The following KCNH7 variants were observed in gnomAD, a reference collection of about 807,000 sequenced individuals.
KCNH7 encodes the protein potassium voltage-gated channel subfamily H member 7.
KCNH7 carries 49 observed loss-of-function variants against 120.8 expected under a neutral mutation model. That is an observed-to-expected ratio of 0.41 (90% CI 0.32 to 0.51). The LOEUF (loss-of-function observed/expected upper bound fraction) is 0.51. Ranked by LOEUF, KCNH7 falls within the 20% of genes least tolerant of loss-of-function variation. The pLI, the probability that KCNH7 is intolerant of heterozygous loss-of-function variation, is 0.38. For synonymous variants in KCNH7, 547 were observed against 516.1 expected (o/e 1.06, Z -0.81); for missense variants, 1,097 against 1,446.6 (o/e 0.76, Z 3.92).
intron 2 of KCNH7, among the ~76,000 whole-genome samples, chr2:162,763,546 C>T (rs776709158): frequency 3.9e-5 from 6 of 151,970 alleles, no homozygotes; most frequent in Admixed American, 6.6e-5. Flanking sequence ...TTAGAAAATA[C>T]GATGGCCAGA....
At chr2:162,828,633 A>G (rs1277920107) in intron 2 of KCNH7, among the ~76,000 whole-genome samples, 4 of 152,172 alleles carry the variant, frequency 2.6e-5, no homozygotes, top group African/African-American at 9.7e-5. Flanking sequence ...GAAACAATAA[A>G]ACCCACAATG....
chr2:162,464,947 AC>A (rs1187544665), intron 6 of KCNH7, among the ~76,000 whole-genome samples: 1 of 152,152 alleles, frequency 6.6e-6, no homozygotes, highest in African/African-American at 2.4e-5. Flanking sequence ...AGGGTTGCCA[AC>A]TTTTTACTTA....
intron 6 of KCNH7, among the ~76,000 whole-genome samples, chr2:162,477,383 C>T (rs945732439): frequency 6.7e-6 from 1 of 148,226 alleles, no homozygotes; most frequent in African/African-American, 2.7e-5. Context: ...TGCCTGGCAG[C>T]TTCATCAGCT....
chr2:162,538,476 C>T lies in KCNH7; in HGVS notation c.308-1396G>A, dbSNP rs143276043. On this transcript the variant is annotated intron_variant, in intron 2 of 15. Coordinates refer to ENST00000332142, the MANE Select transcript of KCNH7 (RefSeq NM_033272.4). ...GATTAGTCTGGCATGAAACATCAGA[C>T]GGAAATGTGAGCAAGTGCCAGGACC... Among the ~76,000 whole-genome samples, 76 of 151,884 alleles carry T rather than the reference C, an allele frequency of 5.0e-4. 1 individual carries two copies. In the East Asian group the frequency reaches 0.012, roughly 24 times the overall value.
chr2:162,506,889 T>C (rs1229062808), intron 5 of KCNH7, among the ~76,000 whole-genome samples: 1 of 151,846 alleles, frequency 6.6e-6, no homozygotes, highest in African/African-American at 2.4e-5. Context: ...GTCACAATTA[T>C]GAAAGAATTT....
At chr2:162,758,948 A>G (rs1688878666) in intron 2 of KCNH7, among the ~76,000 whole-genome samples, 1 of 152,184 alleles carries the variant, frequency 6.6e-6, no homozygotes, top group African/African-American at 2.4e-5. Flanking sequence ...GAGGAAACAA[A>G]GGATGACATA....
chr2:162,455,903 A>AT (rs1462643500), intron 6 of KCNH7, among the ~76,000 whole-genome samples: 4 of 151,950 alleles, frequency 2.6e-5, no homozygotes, highest in East Asian at 1.9e-4. Context: ...GAATTCATTG[A>AT]TTTTTTGAAG....
chr2:162,551,251 A>G (rs1011022670), intron 2 of KCNH7, among the ~76,000 whole-genome samples: 3 of 152,188 alleles, frequency 2.0e-5, no homozygotes, highest in African/African-American at 7.2e-5. Flanking sequence ...ATTACTCAAC[A>G]TTCCAGGGGA....
chr2:162,833,976 A>C (rs1033405098), intron 2 of KCNH7, among the ~76,000 whole-genome samples: 1 of 152,180 alleles, frequency 6.6e-6, no homozygotes, highest in Non-Finnish European at 1.5e-5. Context: ...AGAAGCATTT[A>C]CTGTATACAG....
At chr2:162,548,998 T>C (rs535514876) in intron 2 of KCNH7, among the ~76,000 whole-genome samples, 26 of 152,306 alleles carry the variant, frequency 1.7e-4, no homozygotes, top group African/African-American at 6.0e-4. Context: ...GAAAATGTGC[T>C]TGTGGTATAA....
At chr2:162,530,205 A>T (rs1691868874) in intron 3 of KCNH7, among the ~76,000 whole-genome samples, 1 of 152,010 alleles carries the variant, frequency 6.6e-6, no homozygotes, top group Non-Finnish European at 1.5e-5. Flanking sequence ...CCAATGTATC[A>T]TAATGCCTTT....
intron 2 of KCNH7, among the ~76,000 whole-genome samples, chr2:162,602,258 A>C (rs535773668): frequency 2.0e-5 from 3 of 152,206 alleles, no homozygotes; most frequent in Admixed American, 2.0e-4. Context: ...TGAGAGGCAG[A>C]AGGTATACAG....
At chr2:162,773,427 G>A (rs903208338) in intron 2 of KCNH7, among the ~76,000 whole-genome samples, 2 of 152,172 alleles carry the variant, frequency 1.3e-5, no homozygotes, top group Non-Finnish European at 2.9e-5. Context: ...GGTGGAGGTT[G>A]CAGTGAGCCG....
intron 8 of KCNH7, among the ~76,000 whole-genome samples, chr2:162,430,674 T>C (rs966656795): frequency 1.3e-5 from 2 of 152,030 alleles, no homozygotes; most frequent in Non-Finnish European, 2.9e-5. Flanking sequence ...TGTTCAGTTT[T>C]CTGTATGTTT....
At chr2:162,547,135 G>A (rs181653260) in intron 2 of KCNH7, among the ~76,000 whole-genome samples, 12 of 152,166 alleles carry the variant, frequency 7.9e-5, no homozygotes, top group South Asian at 4.1e-4. Flanking sequence ...GTGTGTCAGC[G>A]GAGGAAAACT....
At chr2:162,403,043 A>G (rs562484240) in intron 9 of KCNH7, among the ~76,000 whole-genome samples, 2 of 151,946 alleles carry the variant, frequency 1.3e-5, no homozygotes, top group South Asian at 4.1e-4. Flanking sequence ...AATTAATAAC[A>G]TGTATTTCAC....
chr2:162,684,621 A>G (rs1685822562), intron 2 of KCNH7, among the ~76,000 whole-genome samples: 1 of 152,242 alleles, frequency 6.6e-6, no homozygotes, highest in African/African-American at 2.4e-5. Flanking sequence ...TGGTCATTAG[A>G]GAAATGCAAA....
intron 2 of KCNH7, among the ~76,000 whole-genome samples, chr2:162,611,196 C>G (rs1682951876): frequency 6.6e-6 from 1 of 152,168 alleles, no homozygotes; most frequent in Non-Finnish European, 1.5e-5. Flanking sequence ...TGTGGACCAC[C>G]AGGCAGAGGA....
chr2:162,675,136 T>C (rs1685489833), intron 2 of KCNH7, among the ~76,000 whole-genome samples: 1 of 151,540 alleles, frequency 6.6e-6, no homozygotes, highest in African/African-American at 2.4e-5. Context: ...ATATATTATG[T>C]TCTGGTTCTA....
Sources: allele counts gnomAD v4.1 joint callset (sites outside exome capture counted in the v4.1 genomes callset), GRCh38; gene constraint gnomAD v4.1.1; transcripts MANE v1.5; gene names NCBI Gene and HGNC (gene_info 2026-07-23, HGNC 2026-07-21).